The following SKIC3 variants were observed in gnomAD, a reference collection of about 807,000 sequenced individuals.
SKIC3 encodes the protein SKI3 subunit of superkiller complex.
the SKIC3 span, among the ~76,000 whole-genome samples, chr5:95,536,079 T>C: frequency 6.6e-6 from 1 of 152,172 alleles, no homozygotes; most frequent in African/African-American, 2.4e-5. Context: ...ACTGGTGGAA[T>C]ACCAGCCCTG....
At chr5:95,520,251 C>T in the SKIC3 span, among the ~76,000 whole-genome samples, 3 of 151,690 alleles carry the variant, frequency 2.0e-5, no homozygotes, top group Admixed American at 2.0e-4. Flanking sequence ...TTTTCCTTCA[C>T]AGTTTCTCCT....
At chr5:95,518,586 T>C in the SKIC3 span, among the ~76,000 whole-genome samples, 2 of 152,124 alleles carry the variant, frequency 1.3e-5, no homozygotes, top group Admixed American at 1.3e-4. Context: ...CTGGCTTATT[T>C]CACTTAACAT....
At chr5:95,508,095 T>C in the SKIC3 span, among the ~76,000 whole-genome samples, 3 of 152,204 alleles carry the variant, frequency 2.0e-5, no homozygotes, top group African/African-American at 7.2e-5. Context: ...CATATACTTC[T>C]TTCCATACAC....
chr5:95,504,064 T>C, the SKIC3 span: 1 of 220,208 alleles, frequency 4.5e-6, no homozygotes, highest in Non-Finnish European at 7.3e-6. Context: ...ATCCCAGCAC[T>C]TTGGGAGGCC....
the SKIC3 span, among the ~76,000 whole-genome samples, chr5:95,479,265 T>C: frequency 3.3e-5 from 5 of 152,088 alleles, no homozygotes; most frequent in African/African-American, 1.2e-4. Flanking sequence ...CACAAAAGTA[T>C]AAAAGACCTC....
chr5:95,501,639 C>T, the SKIC3 span, among the ~76,000 whole-genome samples: 1 of 151,200 alleles, frequency 6.6e-6, no homozygotes, highest in African/African-American at 2.4e-5. Context: ...GATCCAACAA[C>T]ATAAAACATC....
the SKIC3 span, among the ~76,000 whole-genome samples, chr5:95,540,204 G>A: frequency 6.6e-6 from 1 of 152,096 alleles, no homozygotes; most frequent in Non-Finnish European, 1.5e-5. Context: ...ACCAAACATC[G>A]TATGTTCTCA....
the SKIC3 span, chr5:95,503,692 G>T: frequency 7.0e-7 from 1 of 1,420,508 alleles, no homozygotes; most frequent in African/African-American, 1.4e-5. Flanking sequence ...CTGACTCCTA[G>T]TCAGATTTTA....
chr5:95,493,810 T>C, the SKIC3 span, among the ~76,000 whole-genome samples: 1 of 151,246 alleles, frequency 6.6e-6, no homozygotes, highest in Non-Finnish European at 1.5e-5. Context: ...TTATTTCATA[T>C]TTAAAATAAT....
the SKIC3 span, among the ~76,000 whole-genome samples, chr5:95,506,594 T>C: frequency 6.6e-6 from 1 of 152,184 alleles, no homozygotes; most frequent in African/African-American, 2.4e-5. Flanking sequence ...GGACCCCTAA[T>C]GTCCCTCCCC....
chr5:95,485,210 C>T, the SKIC3 span, among the ~76,000 whole-genome samples: 1 of 152,200 alleles, frequency 6.6e-6, no homozygotes, highest in African/African-American at 2.4e-5. Context: ...ACCATCACCA[C>T]AACCATGATA....
the SKIC3 span, chr5:95,529,109 G>A: frequency 6.2e-7 from 1 of 1,612,916 alleles, no homozygotes; most frequent in Non-Finnish European, 8.5e-7. Flanking sequence ...AACCCTAAAA[G>A]GATAAAAACA....
chr5:95,547,101 A>G, the SKIC3 span: 2 of 1,613,180 alleles, frequency 1.2e-6, no homozygotes, highest in African/African-American at 2.7e-5. Context: ...TTTGTTTCTG[A>G]TTGCATCTCT....
the SKIC3 span, chr5:95,503,111 T>C: frequency 5.0e-6 from 6 of 1,205,544 alleles, no homozygotes; most frequent in Non-Finnish European, 7.1e-6. Flanking sequence ...AATACAATTA[T>C]ATCTTTGTAT....
the SKIC3 span, among the ~76,000 whole-genome samples, chr5:95,499,481 C>T: frequency 1.3e-5 from 2 of 152,122 alleles, no homozygotes; most frequent in Admixed American, 1.3e-4. Flanking sequence ...CCAATTTAAC[C>T]TCTTTTCTCT....
chr5:95,478,587 AGGTC>A, the SKIC3 span: 1 of 1,069,648 alleles, frequency 9.3e-7, no homozygotes, highest in Admixed American at 2.1e-5. Context: ...AAACAATTAC[AGGTC>A]AAAAAAGGGC....
At chr5:95,485,313 C>G in the SKIC3 span, among the ~76,000 whole-genome samples, 206 of 152,288 alleles carry the variant, frequency 1.4e-3, no homozygotes, top group African/African-American at 4.8e-3. Context: ...GCCCCTGTCC[C>G]CAGTCAGCTC....
At chr5:95,491,251 G>A in the SKIC3 span, among the ~76,000 whole-genome samples, 1 of 152,080 alleles carries the variant, frequency 6.6e-6, no homozygotes, top group Non-Finnish European at 1.5e-5. Flanking sequence ...ACATATCAGA[G>A]GATGATAAAC....
the SKIC3 span, chr5:95,524,547 T>C: frequency 1.2e-6 from 2 of 1,613,748 alleles, no homozygotes; most frequent in African/African-American, 2.7e-5. Context: ...AAGTTGGTAA[T>C]GATATTCTGC....
Sources: gnomAD v4.1 joint callset for allele counts (sites outside exome capture counted in the v4.1 genomes callset) on GRCh38, gnomAD v4.1.1 for gene constraint, MANE v1.5 for transcripts, NCBI Gene and HGNC (gene_info 2026-07-23, HGNC 2026-07-21) for gene names.